The following SLC15A2 variants were observed in gnomAD, a reference collection of about 807,000 sequenced individuals.
The protein encoded by SLC15A2 is solute carrier family 15 member 2, also known as kidney H(+)/peptide cotransporter.
SLC15A2 carries 77 observed loss-of-function variants against 95.5 expected under a neutral mutation model. The observed-to-expected ratio is 0.81, with a 90% CI of 0.67 to 0.97. The LOEUF is 0.97. Among genes scored for constraint, SLC15A2 ranks in the 50% least tolerant of loss-of-function variants. The pLI is 0.00. For synonymous variants in SLC15A2, 306 were observed against 306.9 expected (o/e 1.00, Z 0.03); for missense variants, 893 against 874.4 (o/e 1.02, Z -0.27).
chr3:121,930,795 G>A, intron 17 of SLC15A2, 45 bp from the exon 18 acceptor site: 2 of 1,269,576 alleles, frequency 1.6e-6, no homozygotes, highest in African/African-American at 1.5e-5. Flanking sequence ...TCTTTTATCA[G>A]GTGTTCCTGT....
At chr3:121,925,725 ACTATATAT>A (rs1326507249) in intron 13 of SLC15A2, among the ~76,000 whole-genome samples, 3 of 56,336 alleles carry the variant, frequency 5.3e-5, no homozygotes, top group African/African-American at 6.8e-5. Flanking sequence ...AAGGGGCTAG[ACTATATAT>A]ATATATATAT....
intron 3 of SLC15A2, among the ~76,000 whole-genome samples, chr3:121,907,428 G>A (rs1709673876): frequency 6.6e-6 from 1 of 152,178 alleles, no homozygotes; most frequent in African/African-American, 2.4e-5. Context: ...GAGGAGAAGA[G>A]GCACTCTGGT....
At chr3:121,907,620 C>T (rs1055750842) in intron 3 of SLC15A2, among the ~76,000 whole-genome samples, 13 of 152,198 alleles carry the variant, frequency 8.5e-5, no homozygotes, top group Admixed American at 7.2e-4. Context: ...CCCTCAGCTG[C>T]GGGTCTGTTG....
rs183292125 is a variant in SLC15A2, at chr3:121,923,173, T to G, written c.957+44T>G. 32 of 1,613,462 alleles carry G rather than the reference T, an allele frequency of 2.0e-5. No homozygotes were observed. In the East Asian group the frequency reaches 6.9e-4, roughly 35 times the overall value. On this transcript the variant is annotated intron_variant, in intron 10 of 21. Transcript: ENST00000489711. ...GACATTACCGCTCCTTACAGCCACT[T>G]CCCTCTCACAGGAAAGGGATTTCTC... is the stretch of plus-strand genomic sequence containing the variant.
chr3:121,932,731 TTTAA>T (rs1268281231), intron 19 of SLC15A2, among the ~76,000 whole-genome samples: 4 of 152,234 alleles, frequency 2.6e-5, no homozygotes, highest in African/African-American at 7.2e-5. Flanking sequence ...AATTAATTAA[TTTAA>T]TTAACTTGAT....
chr3:121,912,752 C>T (rs965272945), intron 4 of SLC15A2, among the ~76,000 whole-genome samples: 5 of 152,074 alleles, frequency 3.3e-5, no homozygotes, highest in African/African-American at 1.2e-4. Context: ...CTGTTTCTAT[C>T]GGATGCTCAT....
At chr3:121,940,179 A>G (rs1247661126) in intron 20 of SLC15A2, among the ~76,000 whole-genome samples, 1 of 152,226 alleles carries the variant, frequency 6.6e-6, no homozygotes, top group East Asian at 1.9e-4. Context: ...AGATTATATG[A>G]CATAATGAGT....
chr3:121,912,985 A>G (rs781262638), intron 4 of SLC15A2, 36 bp from the exon 5 acceptor site: 2 of 1,476,002 alleles, frequency 1.4e-6, no homozygotes, highest in Non-Finnish European at 1.9e-6. Flanking sequence ...TGCATTTAGT[A>G]TCAACATGGT....
chr3:121,921,143 G>A (rs1176281915), intron 7 of SLC15A2, among the ~76,000 whole-genome samples: 1 of 152,192 alleles, frequency 6.6e-6, no homozygotes, highest in Non-Finnish European at 1.5e-5. Flanking sequence ...GAAACAGAAT[G>A]AGCTCAAGAA....
intron 7 of SLC15A2, among the ~76,000 whole-genome samples, chr3:121,921,166 A>G (rs990023938): frequency 6.6e-6 from 1 of 152,272 alleles, no homozygotes; most frequent in Admixed American, 6.5e-5. Flanking sequence ...GAAATAGTAT[A>G]GAACAGAAGT....
In SLC15A2 at chr3:121,915,836, A is replaced by T; in HGVS notation, c.697+143A>T. 5.3e-6 allele frequency: 3 copies of T among 563,282 alleles called. No individual in the cohort carries two copies. In the South Asian group the frequency reaches 9.0e-5, roughly 17 times the overall value. 34.9% of individuals were successfully genotyped at this position (563,282 alleles called of 1,614,324 possible). A position where few individuals can be genotyped will look rare whatever the true frequency, so the allele number is the denominator to read the frequency against. ...ACTGTTATTGTAAGGGTTTCCCCTC[A>T]ATTTTGGAGGTAAATTCTGAATGAA... On this transcript the variant is annotated intron_variant, in intron 7 of 21. Transcript: ENST00000489711.
chr3:121,916,577 A>G (rs1183849293), intron 7 of SLC15A2, among the ~76,000 whole-genome samples: 1 of 152,212 alleles, frequency 6.6e-6, no homozygotes, highest in East Asian at 1.9e-4. Context: ...GTGAGCTGTG[A>G]TAATATATTC....
At chr3:121,925,677 A>G (rs1470132604) in intron 13 of SLC15A2, among the ~76,000 whole-genome samples, 2 of 140,858 alleles carry the variant, frequency 1.4e-5, no homozygotes, top group African/African-American at 2.6e-5. Context: ...AAGCAAAAAA[A>G]AAAACAACAT....
At chr3:121,937,845 T>A (rs373377001) in intron 19 of SLC15A2, among the ~76,000 whole-genome samples, 9 of 151,934 alleles carry the variant, frequency 5.9e-5, no homozygotes, top group Non-Finnish European at 1.3e-4. Context: ...GGTGCTCTGC[T>A]TTTTAGAGTT....
At chr3:121,929,225 C>A in intron 16 of SLC15A2, 77 bp from the exon 17 acceptor site, 1 of 1,602,418 alleles carries the variant, frequency 6.2e-7, no homozygotes, top group Non-Finnish European at 8.5e-7. Flanking sequence ...TACCAAGGAT[C>A]TGCCTGATGA....
At chr3:121,907,889 A>G (rs142151372) in intron 3 of SLC15A2, among the ~76,000 whole-genome samples, 2 of 152,364 alleles carry the variant, frequency 1.3e-5, no homozygotes, top group East Asian at 3.9e-4. Context: ...CCCTACTGGG[A>G]GAACGAGTGC....
intron 1 of SLC15A2, among the ~76,000 whole-genome samples, chr3:121,895,831 G>C (rs1211790411): frequency 1.3e-5 from 2 of 152,148 alleles, no homozygotes; most frequent in African/African-American, 4.8e-5. Flanking sequence ...TAAGAACTCT[G>C]CCTAAAGTCA....
chr3:121,913,212 T>G, intron 5 of SLC15A2, 92 bp downstream of exon 5: 5 of 925,860 alleles, frequency 5.4e-6, no homozygotes, highest in Non-Finnish European at 8.8e-6. Context: ...ATTGAAGTAA[T>G]GTACTGGTCA....
Position 121,911,560 on chromosome 3 carries a change from A to G in SLC15A2, c.336-14A>G. On this transcript the variant is annotated splice_polypyrimidine_tract_variant and intron_variant, in intron 3 of 21. Coordinates refer to ENST00000489711, the MANE Select transcript of SLC15A2 (RefSeq NM_021082.4). ...GTTCTGGTTTTAGACTGACTGATTT[A>G]GCTCTCTCAACAGGACAATCATCTA... 1 of 1,590,590 alleles carries G rather than the reference A, an allele frequency of 6.3e-7. No individual in the cohort carries two copies. The highest frequency in any genetic ancestry group is 1.1e-5 in the South Asian group (1 of 90,504).
Sources: gnomAD v4.1 joint callset for allele counts (sites outside exome capture counted in the v4.1 genomes callset) on GRCh38, gnomAD v4.1.1 for gene constraint, MANE v1.5 for transcripts, NCBI Gene and HGNC (gene_info 2026-07-23, HGNC 2026-07-21) for gene names.